SKIC3: variants seen among roughly 807,000 people sequenced by gnomAD.
The protein encoded by SKIC3 is SKI3 subunit of superkiller complex.
chr5:95,483,882 C>T, the SKIC3 span, among the ~76,000 whole-genome samples: 2 of 152,172 alleles, frequency 1.3e-5, no homozygotes, highest in Non-Finnish European at 2.9e-5. Flanking sequence ...GAGTAGATTC[C>T]AGTCACCCAC....
At chr5:95,473,272 A>G in the SKIC3 span, among the ~76,000 whole-genome samples, 1 of 151,952 alleles carries the variant, frequency 6.6e-6, no homozygotes, top group Non-Finnish European at 1.5e-5. Context: ...AGCACCTGTT[A>G]TTTTTGTTGT....
chr5:95,478,495 C>A, the SKIC3 span: 1 of 1,605,326 alleles, frequency 6.2e-7, no homozygotes, highest in South Asian at 1.1e-5. Flanking sequence ...ATTATGCAGT[C>A]TGTTACCCCT....
the SKIC3 span, among the ~76,000 whole-genome samples, chr5:95,510,079 T>A: frequency 1.4e-3 from 213 of 152,304 alleles, no homozygotes; most frequent in African/African-American, 5.1e-3. Flanking sequence ...TTCCAACATG[T>A]ACGTATTTAA....
the SKIC3 span, chr5:95,513,455 A>G: frequency 8.8e-7 from 1 of 1,133,564 alleles, no homozygotes; most frequent in African/African-American, 1.5e-5. Flanking sequence ...GGCATCCCAA[A>G]TCACTGGGAT....
chr5:95,518,887 C>T, the SKIC3 span, among the ~76,000 whole-genome samples: 1 of 151,998 alleles, frequency 6.6e-6, no homozygotes, highest in African/African-American at 2.4e-5. Context: ...AAACTCCATA[C>T]TGTTCTCCAC....
chr5:95,539,843 CAAAA>C, the SKIC3 span, among the ~76,000 whole-genome samples: 1 of 107,694 alleles, frequency 9.3e-6, no homozygotes, highest in Non-Finnish European at 1.9e-5. Flanking sequence ...CACTCTGCCT[CAAAA>C]AAAAAAAAAA....
At chr5:95,469,032 G>A in the SKIC3 span, among the ~76,000 whole-genome samples, 1 of 152,126 alleles carries the variant, frequency 6.6e-6, no homozygotes, top group Non-Finnish European at 1.5e-5. Flanking sequence ...ATTTTGTGAT[G>A]TGTCTTTTGC....
the SKIC3 span, among the ~76,000 whole-genome samples, chr5:95,519,735 T>C: frequency 1.3e-5 from 2 of 152,072 alleles, no homozygotes; most frequent in East Asian, 3.9e-4. Context: ...ATAATTGTTT[T>C]ATATGCCACC....
chr5:95,500,823 A>G, the SKIC3 span, among the ~76,000 whole-genome samples: 1 of 152,188 alleles, frequency 6.6e-6, no homozygotes, highest in Admixed American at 6.5e-5. Flanking sequence ...AACAATGCTC[A>G]CTGAAATATA....
chr5:95,553,740 G>A, the SKIC3 span, among the ~76,000 whole-genome samples: 2 of 152,058 alleles, frequency 1.3e-5, no homozygotes, highest in Admixed American at 6.5e-5. Context: ...CGTATTTTTC[G>A]TAGAGACGGG....
chr5:95,529,085 C>T, the SKIC3 span: 1 of 1,613,724 alleles, frequency 6.2e-7, no homozygotes, highest in South Asian at 1.1e-5. Context: ...CTTGTGCAGA[C>T]AGGGCTTTCC....
the SKIC3 span, chr5:95,525,517 C>T: frequency 6.2e-7 from 1 of 1,613,442 alleles, no homozygotes; most frequent in Non-Finnish European, 8.5e-7. Context: ...AAGTAGACAC[C>T]TGTCAATTCT....
chr5:95,486,119 C>T, the SKIC3 span, among the ~76,000 whole-genome samples: 2 of 152,094 alleles, frequency 1.3e-5, no homozygotes, highest in Non-Finnish European at 1.5e-5. Flanking sequence ...ACGCTGAGTC[C>T]CACAAACCCC....
the SKIC3 span, chr5:95,506,819 A>T: frequency 9.5e-7 from 1 of 1,054,150 alleles, no homozygotes; most frequent in Non-Finnish European, 1.4e-6. Flanking sequence ...TATGGAAATT[A>T]TGTATCCTAC....
chr5:95,516,732 TCA>T, the SKIC3 span: 2 of 1,613,334 alleles, frequency 1.2e-6, no homozygotes, highest in South Asian at 2.2e-5. Flanking sequence ...CTGTCGAGTC[TCA>T]CTGCTTTTTT....
chr5:95,488,913 C>T, the SKIC3 span, among the ~76,000 whole-genome samples: 19 of 151,960 alleles, frequency 1.3e-4, no homozygotes, highest in African/African-American at 4.3e-4. Context: ...TCAATGACAA[C>T]CTTGAATGTA....
the SKIC3 span, among the ~76,000 whole-genome samples, chr5:95,551,174 T>C: frequency 2.0e-5 from 3 of 152,154 alleles, no homozygotes; most frequent in African/African-American, 7.2e-5. Context: ...ATGTTAACAA[T>C]GCATTTAAAT....
chr5:95,544,354 C>T, the SKIC3 span, among the ~76,000 whole-genome samples: 12 of 152,168 alleles, frequency 7.9e-5, 1 homozygote, highest in Non-Finnish European at 1.3e-4. Flanking sequence ...TACCTACCAT[C>T]GTCACTCACC....
At chr5:95,516,185 A>G in the SKIC3 span, among the ~76,000 whole-genome samples, 2 of 152,210 alleles carry the variant, frequency 1.3e-5, no homozygotes, top group Non-Finnish European at 2.9e-5. Flanking sequence ...TTACACATTA[A>G]TTATTCGACA....
Sources: allele counts gnomAD v4.1 joint callset (sites outside exome capture counted in the v4.1 genomes callset), GRCh38; gene constraint gnomAD v4.1.1; transcripts MANE v1.5; gene names NCBI Gene and HGNC (gene_info 2026-07-23, HGNC 2026-07-21).